FANCL: variants seen among roughly 807,000 people sequenced by gnomAD.
FANCL encodes E3 ubiquitin-protein ligase FANCL.
In FANCL, 69 loss-of-function variants were observed where a neutral mutation model predicts 59.4. The observed-to-expected ratio is 1.16, with a 90% CI of 0.96 to 1.42. The LOEUF is 1.42. Ranked by LOEUF, FANCL falls within the 40% of genes most tolerant of loss-of-function variation. FANCL has a pLI of 0.00. For missense variants in FANCL, 519 were observed against 447.2 expected, an observed-to-expected ratio of 1.16 and a Z score of -1.45; for synonymous variants, 180 against 147.1, an observed-to-expected ratio of 1.22 and a Z score of -1.62.
chr2:58,185,746 T>C (rs768795836), intron 7 of FANCL, among the ~76,000 whole-genome samples: 28 of 152,176 alleles, frequency 1.8e-4, no homozygotes, highest in Non-Finnish European at 2.1e-4. Flanking sequence ...AAAATGTATC[T>C]CATTTTTGAA....
At chr2:58,160,681 G>A (rs2104774922) in intron 12 of FANCL, among the ~76,000 whole-genome samples, 1 of 152,038 alleles carries the variant, frequency 6.6e-6, no homozygotes, top group East Asian at 1.9e-4. Context: ...AAAATTAAAT[G>A]AATATTCATA....
At chr2:58,219,941 T>C (rs1044831086) in intron 5 of FANCL, among the ~76,000 whole-genome samples, 4 of 152,118 alleles carry the variant, frequency 2.6e-5, no homozygotes, top group Non-Finnish European at 5.9e-5. Flanking sequence ...CTGCATATCT[T>C]AGGACTATTT....
At chr2:58,228,551 CTT>C (rs1693261099) in intron 3 of FANCL, among the ~76,000 whole-genome samples, 2 of 152,228 alleles carry the variant, frequency 1.3e-5, no homozygotes, top group African/African-American at 4.8e-5. Context: ...TCACTTACCT[CTT>C]GTCTATGGTT....
rs570642784 is a variant in FANCL, at chr2:58,205,472, C to G, written c.375-1246G>C. ...AAAAAAAATTAGAATGTCTTTATCA[C>G]GTTTTACCATATGACTCTGAAGTTC... On this transcript the variant is annotated intron_variant, in intron 5 of 13. Coordinates refer to ENST00000233741, the MANE Select transcript of FANCL (RefSeq NM_018062.4). Among the ~76,000 whole-genome samples the G allele has an allele frequency of 9.2e-5, 14 of 152,126 alleles. No individual in the cohort carries two copies. The South Asian group carries it at 2.7e-3, about 29-fold the overall frequency.
At chr2:58,231,933 G>C in intron 2 of FANCL, 121 bp downstream of exon 2, 1 of 777,490 alleles carries the variant, frequency 1.3e-6, no homozygotes, top group Non-Finnish European at 2.2e-6. Context: ...GTTTCTTTTG[G>C]GGCAAATGAC....
rs550695300 is a variant in FANCL, at chr2:58,174,304, G to C, written c.541-8430C>G. On this transcript the variant is annotated intron_variant, in intron 7 of 13. Coordinates refer to ENST00000233741, the MANE Select transcript of FANCL (RefSeq NM_018062.4). ...CAAGCAGACCTAATAGAAATCTACA[G>C]AACTTTCCACCCCAAATCAACAGAA... Among the ~76,000 whole-genome samples the C allele has an allele frequency of 3.3e-5, 5 of 152,254 alleles. No individual in the cohort carries two copies. In the South Asian group the frequency reaches 1.0e-3, roughly 32 times the overall value.
At chr2:58,194,703 A>G (rs1299477793) in intron 7 of FANCL, among the ~76,000 whole-genome samples, 1 of 151,986 alleles carries the variant, frequency 6.6e-6, no homozygotes, top group East Asian at 1.9e-4. Context: ...TGCACTGGCT[A>G]CTAGGCTTGT....
chr2:58,198,966 T>C (rs1191956125), intron 6 of FANCL, among the ~76,000 whole-genome samples: 2 of 142,848 alleles, frequency 1.4e-5, no homozygotes, highest in East Asian at 2.0e-4. Flanking sequence ...GAGGCGGAGA[T>C]GGCAGTGAGC....
At chr2:58,159,846 AAAAT>A in intron 13 of FANCL, 46 bp from the exon 14 acceptor site, 1 of 1,608,086 alleles carries the variant, frequency 6.2e-7, no homozygotes, top group Non-Finnish European at 8.5e-7. Context: ...GACACTCTAA[AAAAT>A]AAAATTGCTT....
At chr2:58,173,440 A>G (rs983335011) in intron 7 of FANCL, among the ~76,000 whole-genome samples, 7 of 152,334 alleles carry the variant, frequency 4.6e-5, no homozygotes, top group African/African-American at 1.7e-4. Flanking sequence ...CTGATCTCTC[A>G]GCAGAAACTC....
chr2:58,184,204 C>G (rs1688188486), intron 7 of FANCL, among the ~76,000 whole-genome samples: 1 of 151,820 alleles, frequency 6.6e-6, no homozygotes, highest in Non-Finnish European at 1.5e-5. Flanking sequence ...ATATAAATGT[C>G]TATTTATATG....
rs1394668520 is a variant in FANCL, at chr2:58,163,452, A to G, written c.757T>C (p.Phe253Leu). 3 of 1,609,960 alleles carry G rather than the reference A, an allele frequency of 1.9e-6. No individual in the cohort carries two copies. The highest frequency in any genetic ancestry group is 1.3e-5 in the African/African-American group (1 of 74,832). The change falls in exon 9 of 14, where the codon TTT (phenylalanine) becomes CTT (leucine). Residue 253 changes from phenylalanine (F) to leucine (L), a missense_variant. Transcript: ENST00000233741. ...RHPTMLPECF[F>L]LGADHVVKPL... is the part of the protein sequence containing the mutation. ...GTCATACCATGGTCAGCTCCAAGAA[A>G]GAAGCACTCAGGAAGCATAGTAGGA...
At chr2:58,231,968 T>C (rs1693626456) in intron 2 of FANCL, 86 bp downstream of exon 2, 4 of 1,130,662 alleles carry the variant, frequency 3.5e-6, no homozygotes, top group African/African-American at 1.5e-5. Context: ...GGCAAAACTC[T>C]AGTCACTAGA....
At chr2:58,174,115 A>T (rs188681684) in intron 7 of FANCL, among the ~76,000 whole-genome samples, 3 of 152,206 alleles carry the variant, frequency 2.0e-5, no homozygotes, top group African/African-American at 7.2e-5. Flanking sequence ...CACCCAATAC[A>T]GGAGCACCCA....
intron 4 of FANCL, among the ~76,000 whole-genome samples, chr2:58,224,677 T>C (rs1692809639): frequency 1.3e-5 from 2 of 151,868 alleles, no homozygotes; most frequent in African/African-American, 2.4e-5. Context: ...AATATTAGTA[T>C]TGTAATTTTT....
At chr2:58,166,006 A>G in intron 7 of FANCL, 132 bp from the exon 8 acceptor site, 1 of 802,890 alleles carries the variant, frequency 1.2e-6, no homozygotes, top group Non-Finnish European at 2.0e-6. Flanking sequence ...TCCAGTAAAC[A>G]GTAGTCGACT....
chr2:58,224,418 G>A (rs1220927881), intron 4 of FANCL, among the ~76,000 whole-genome samples: 1 of 151,804 alleles, frequency 6.6e-6, no homozygotes, highest in East Asian at 1.9e-4. Context: ...AATCAAGTTT[G>A]ATAACCCTTA....
intron 7 of FANCL, among the ~76,000 whole-genome samples, chr2:58,178,758 A>C (rs980327583): frequency 6.6e-6 from 1 of 152,148 alleles, no homozygotes; most frequent in Non-Finnish European, 1.5e-5. Flanking sequence ...AAAGAAATAA[A>C]AGGTATTCAA....
Position 58,229,863 on chromosome 2 carries a change from C to T in FANCL, c.167G>A (p.Ser56Asn), listed in dbSNP as rs778972805. 1 of 1,609,612 alleles carries T rather than the reference C, an allele frequency of 6.2e-7. No homozygotes were observed. Among genetic ancestry groups the T allele is most frequent in the Non-Finnish European group, 8.5e-7 (1 of 1,176,104 alleles). ...ACTAAGTATTGTTCTCAGCTGCCAA[C>T]TACATAATAATCTAAAATTTTAATG... Reference protein sequence around the residue: ...LQLKNARLLCSWQLRTILSGY... With the variant: ...LQLKNARLLCNWQLRTILSGY... Residue 56 changes from serine to asparagine, a missense_variant, in exon 3 of 14, where the codon AGT becomes AAT. Physicochemically the swap from Ser to Asn is conservative, Grantham distance 46. Transcript: ENST00000233741.
Sources: gnomAD v4.1 joint callset for allele counts (sites outside exome capture counted in the v4.1 genomes callset) on GRCh38, gnomAD v4.1.1 for gene constraint, MANE v1.5 for transcripts, NCBI Gene and HGNC (gene_info 2026-07-23, HGNC 2026-07-21) for gene names.